The following ARHGAP24 variants were observed in gnomAD, a reference collection of about 807,000 sequenced individuals.
ARHGAP24 encodes Rho GTPase activating protein 24, also known as rho GTPase-activating protein 24.
A neutral mutation model predicts 76.4 loss-of-function variants in ARHGAP24; 50 were observed. The ratio of observed to expected loss-of-function variants is 0.65; its 90% CI spans 0.52 to 0.83. The LOEUF (loss-of-function observed/expected upper bound fraction) is 0.83. ARHGAP24 is among the 40% of genes least tolerant of loss of function. The pLI is 0.00. For missense variants in ARHGAP24, 930 were observed against 914.2 expected, an observed-to-expected ratio of 1.02 and a Z score of -0.22; for synonymous variants, 345 against 323.3, an observed-to-expected ratio of 1.07 and a Z score of -0.72.
In ARHGAP24 at chr4:85,622,495, G is replaced by A. The variant is rs371186554; in HGVS notation, c.180+51774G>A. 1.6e-4 allele frequency among the ~76,000 whole-genome samples: 24 copies of A among 151,884 alleles called. No individual in the cohort carries two copies. The East Asian group carries it at 3.5e-3, about 22-fold the overall frequency. Reference sequence around the variant, plus strand: ...CCACATTTTCTTAATCCAGTCTATCGTTGTTGGACATTTAGGTTGGTTCCA... The same window carrying A: ...CCACATTTTCTTAATCCAGTCTATCATTGTTGGACATTTAGGTTGGTTCCA... On this transcript the variant is annotated intron_variant, in intron 2 of 9. Coordinates refer to ENST00000395184, the MANE Select transcript of ARHGAP24 (RefSeq NM_001025616.3).
At chr4:85,517,080 C>T (rs1283920541) in intron 1 of ARHGAP24, among the ~76,000 whole-genome samples, 5 of 152,110 alleles carry the variant, frequency 3.3e-5, no homozygotes, top group Admixed American at 6.5e-5. Context: ...CAAGTTTCCA[C>T]AGCACTTGGT....
intron 2 of ARHGAP24, among the ~76,000 whole-genome samples, chr4:85,683,119 G>GGGGGGGGGGC (rs1723282244): frequency 2.5e-5 from 2 of 80,004 alleles, no homozygotes; most frequent in African/African-American, 1.0e-4. Flanking sequence ...TGGGGGGGTG[G>GGGGGGGGGGC]GGGGGGGGTG....
chr4:85,984,758 A>G (rs899917734), intron 8 of ARHGAP24, among the ~76,000 whole-genome samples: 1 of 152,182 alleles, frequency 6.6e-6, no homozygotes, highest in East Asian at 1.9e-4. Flanking sequence ...GGAATCTTTG[A>G]TAACTATTGA....
At position 85,702,966 on chromosome 4, in the gene ARHGAP24, G is replaced by T. The variant is rs1165356833; in HGVS notation, c.181-18919G>T. Among the ~76,000 whole-genome samples the T allele has an allele frequency of 2.7e-5, 4 of 150,732 alleles. No individual in the cohort carries two copies. In the South Asian group the frequency reaches 8.5e-4, roughly 32 times the overall value. On this transcript the variant is annotated intron_variant, in intron 2 of 9. Coordinates refer to ENST00000395184, the MANE Select transcript of ARHGAP24 (RefSeq NM_001025616.3). ...ATGGACAGAGAAAGGCAAAGGTGGAGGTCAGAAGTGAGACCCCCACCGAGA... is the reference window on the plus strand; with the variant it reads ...ATGGACAGAGAAAGGCAAAGGTGGATGTCAGAAGTGAGACCCCCACCGAGA...
chr4:85,654,192 C>CCTGAG (rs1336010523), intron 2 of ARHGAP24, among the ~76,000 whole-genome samples: 1 of 152,104 alleles, frequency 6.6e-6, no homozygotes, highest in Non-Finnish European at 1.5e-5. Flanking sequence ...GTTGGGTTCC[C>CCTGAG]CTGAGGCCTC....
intron 3 of ARHGAP24, among the ~76,000 whole-genome samples, chr4:85,786,084 A>T (rs145522926): frequency 1.3e-3 from 197 of 152,220 alleles, no homozygotes; most frequent in African/African-American, 4.6e-3. Flanking sequence ...TGGAAGTTGC[A>T]TAAGTCATAC....
At position 85,885,324 on chromosome 4, in the gene ARHGAP24, T is replaced by C. The variant is rs78882078; in HGVS notation, c.269-38324T>C. ...CTTATATTTGCTTCTGGAAACTTGG[T>C]GTCTATTATAGGTTTTAAAATATAT... is the stretch of plus-strand genomic sequence containing the variant. On this transcript the variant is annotated intron_variant, in intron 3 of 9. Coordinates refer to ENST00000395184, the MANE Select transcript of ARHGAP24 (RefSeq NM_001025616.3). Among the ~76,000 whole-genome samples, 1,452 of 152,216 alleles carry C rather than the reference T, an allele frequency of 9.5e-3. 18 individuals are homozygous for C. Among genetic ancestry groups the C allele is most frequent in the African/African-American group, 0.033 (1,362 of 41,566 alleles).
intron 2 of ARHGAP24, among the ~76,000 whole-genome samples, chr4:85,673,837 A>T (rs1356303702): frequency 1.3e-5 from 2 of 151,340 alleles, no homozygotes; most frequent in Non-Finnish European, 2.9e-5. Flanking sequence ...AGAACCCCAA[A>T]ATCTGGTTCC....
intron 3 of ARHGAP24, among the ~76,000 whole-genome samples, chr4:85,734,538 A>G (rs1725532488): frequency 6.6e-6 from 1 of 151,882 alleles, no homozygotes; most frequent in Admixed American, 6.6e-5. Context: ...GTGAATTACC[A>G]ACTTGTCATT....
chr4:85,543,794 G>A (rs780151808), intron 1 of ARHGAP24, among the ~76,000 whole-genome samples: 4 of 152,018 alleles, frequency 2.6e-5, no homozygotes, highest in African/African-American at 9.7e-5. Context: ...CTTAAAATAT[G>A]TTTTATTTTT....
intron 3 of ARHGAP24, among the ~76,000 whole-genome samples, chr4:85,724,485 A>ATG (rs573537210): frequency 2.2e-5 from 1 of 46,020 alleles, no homozygotes; most frequent in African/African-American, 8.3e-5. Flanking sequence ...TAATTTTTCC[A>ATG]TGTGTGTATA....
intron 2 of ARHGAP24, among the ~76,000 whole-genome samples, chr4:85,622,001 C>T (rs535510849): frequency 6.6e-6 from 1 of 151,958 alleles, no homozygotes; most frequent in Non-Finnish European, 1.5e-5. Flanking sequence ...TCGCTTAGAA[C>T]TTCTTTTGCT....
Position 85,923,787 on chromosome 4 carries a change from A to T in ARHGAP24, c.391+17A>T, listed in dbSNP as rs1221334446. On this transcript the variant is annotated intron_variant, in intron 4 of 9. Transcript: ENST00000395184. ...TCGGAGGAGGTGAGTGTACTTTAAAATCATGGAAAAACAGAAAGGTAGACC... is the reference window on the plus strand; with the variant it reads ...TCGGAGGAGGTGAGTGTACTTTAAATTCATGGAAAAACAGAAAGGTAGACC... The T allele has an allele frequency of 6.2e-7, 1 of 1,613,860 alleles. No individual in the cohort carries two copies. The highest frequency in any genetic ancestry group is 8.5e-7 in the Non-Finnish European group (1 of 1,179,836).
At chr4:85,528,105 CT>C in intron 1 of ARHGAP24, among the ~76,000 whole-genome samples, 1 of 152,118 alleles carries the variant, frequency 6.6e-6, no homozygotes, top group East Asian at 1.9e-4. Context: ...ACACCTAACC[CT>C]GCGAGAGCTG....
chr4:85,581,691 AAC>A (rs1727619510), intron 2 of ARHGAP24, among the ~76,000 whole-genome samples: 1 of 152,122 alleles, frequency 6.6e-6, no homozygotes, highest in African/African-American at 2.4e-5. Context: ...ACAATTTTTG[AAC>A]AGTTTTTCAG....
At position 85,576,212 on chromosome 4, in the gene ARHGAP24, G is replaced by A. The variant is rs944679962; in HGVS notation, c.180+5491G>A. ...TGGGAGGCCGAGGCGGGTGGATCACGAGGTCAGATCGAGACTATCCTGGCT... is the reference window on the plus strand; with the variant it reads ...TGGGAGGCCGAGGCGGGTGGATCACAAGGTCAGATCGAGACTATCCTGGCT... On this transcript the variant is annotated intron_variant, in intron 2 of 9. Coordinates refer to ENST00000395184, the MANE Select transcript of ARHGAP24 (RefSeq NM_001025616.3). Among the ~76,000 whole-genome samples, 20 of 4,676 alleles carry A rather than the reference G, an allele frequency of 4.3e-3. No homozygotes were observed. The Admixed American group carries it at 0.096, about 22-fold the overall frequency. 3.1% of individuals were successfully genotyped at this position (4,676 alleles called of 152,430 possible). A position where few individuals can be genotyped will look rare whatever the true frequency, so the allele number is the denominator to read the frequency against.
chr4:85,902,837 CAG>C (rs1734577905), intron 3 of ARHGAP24, among the ~76,000 whole-genome samples: 1 of 152,222 alleles, frequency 6.6e-6, no homozygotes. Flanking sequence ...CTCCTGAGCT[CAG>C]GTGATCCGCC....
chr4:85,652,815 T>C (rs1721994740), intron 2 of ARHGAP24, among the ~76,000 whole-genome samples: 1 of 152,182 alleles, frequency 6.6e-6, no homozygotes, highest in Non-Finnish European at 1.5e-5. Context: ...AGCCAGTCTG[T>C]CTAGGCTGGT....
intron 3 of ARHGAP24, among the ~76,000 whole-genome samples, chr4:85,908,854 T>C (rs1443412825): frequency 1.3e-5 from 2 of 151,368 alleles, no homozygotes; most frequent in Non-Finnish European, 2.9e-5. Context: ...TCTCAGATAA[T>C]TAAAAAGAAA....
Sources: gnomAD v4.1 joint callset for allele counts (sites outside exome capture counted in the v4.1 genomes callset) on GRCh38, gnomAD v4.1.1 for gene constraint, MANE v1.5 for transcripts, NCBI Gene and HGNC (gene_info 2026-07-23, HGNC 2026-07-21) for gene names.